The following GALNT17 variants were observed in gnomAD, a reference collection of about 807,000 sequenced individuals.
GALNT17 encodes the protein UDP-GalNAc:polypeptide N-acetylgalactosaminyltransferase-like 3.
GALNT17 carries 29 observed loss-of-function variants against 63.7 expected under a neutral mutation model. That is an observed-to-expected ratio of 0.46 (90% CI 0.34 to 0.62). The LOEUF (loss-of-function observed/expected upper bound fraction) is 0.62, where lower values mean the gene tolerates loss of function less well. Among genes scored for constraint, GALNT17 ranks in the 20% least tolerant of loss-of-function variants. The pLI, the probability that GALNT17 is intolerant of heterozygous loss-of-function variation, is 0.01. For synonymous variants in GALNT17, 305 were observed against 318.3 expected (o/e 0.96, Z 0.45); for missense variants, 603 against 799.6 (o/e 0.75, Z 2.97).
intron 2 of GALNT17, among the ~76,000 whole-genome samples, chr7:71,363,972 C>T (rs1370582745): frequency 6.6e-6 from 1 of 152,196 alleles, no homozygotes; most frequent in East Asian, 1.9e-4. Flanking sequence ...TGAGGTTTAA[C>T]TTAAAGTATG....
chr7:71,587,009 C>T (rs1170102264), intron 6 of GALNT17, among the ~76,000 whole-genome samples: 1 of 152,064 alleles, frequency 6.6e-6, no homozygotes, highest in Non-Finnish European at 1.5e-5. Flanking sequence ...TTCCTCCTTT[C>T]TCCTCTCTAC....
In GALNT17 at chr7:71,238,544, TTTATTATAA is replaced by T. The variant is rs1034192003; in HGVS notation, c.239-97005_239-96997del. Among the ~76,000 whole-genome samples the T allele has an allele frequency of 2.0e-5, 3 of 152,262 alleles. No individual in the cohort carries two copies. In the East Asian group the frequency reaches 5.8e-4, roughly 29 times the overall value. ...CACTGCACCTGGTCTGTGTTCAGTATTTATTATAAATGATGGGCTAAATATTGAAAGGTG... is the reference window on the plus strand; with the variant it reads ...CACTGCACCTGGTCTGTGTTCAGTATATGATGGGCTAAATATTGAAAGGTG... On this transcript the variant is annotated intron_variant, in intron 1 of 10. Coordinates refer to ENST00000333538, the MANE Select transcript of GALNT17 (RefSeq NM_022479.3).
At chr7:71,597,934 C>T (rs1001866576) in intron 6 of GALNT17, among the ~76,000 whole-genome samples, 8 of 151,790 alleles carry the variant, frequency 5.3e-5, no homozygotes, top group African/African-American at 1.2e-4. Flanking sequence ...TGTAATAACA[C>T]GGTACTTTCA....
chr7:71,633,425 C>T (rs1029237559), intron 6 of GALNT17, among the ~76,000 whole-genome samples: 5 of 152,152 alleles, frequency 3.3e-5, no homozygotes, highest in Admixed American at 1.3e-4. Flanking sequence ...GGATAGCTCT[C>T]CTGTCGGCTG....
rs1360277824 is a variant in GALNT17, at chr7:71,638,172, A to C, written c.1081-27239A>C. ...GGAGTGTCTTTTAGCATGCTAATGC[A>C]TTATAATTAGCATATAGTGAGCCTT... On this transcript the variant is annotated intron_variant, in intron 6 of 10. Transcript: ENST00000333538. Among the ~76,000 whole-genome samples the C allele has an allele frequency of 3.9e-5, 6 of 152,234 alleles. No homozygotes were observed. In the East Asian group the frequency reaches 1.2e-3, roughly 29 times the overall value.
At chr7:71,436,096 G>A (rs1355583897) in intron 5 of GALNT17, among the ~76,000 whole-genome samples, 1 of 151,476 alleles carries the variant, frequency 6.6e-6, no homozygotes, top group African/African-American at 2.4e-5. Context: ...AATAAAACTC[G>A]GGTCTCCCAG....
At chr7:71,342,842 G>A (rs1424570496) in intron 2 of GALNT17, among the ~76,000 whole-genome samples, 17 of 152,144 alleles carry the variant, frequency 1.1e-4, no homozygotes, top group Admixed American at 8.5e-4. Context: ...AGGAGACTGT[G>A]TATGTTTTAT....
chr7:71,467,058 C>T (rs1217452097), intron 5 of GALNT17, among the ~76,000 whole-genome samples: 2 of 152,076 alleles, frequency 1.3e-5, no homozygotes, highest in Admixed American at 6.5e-5. Context: ...TTTTGATTTA[C>T]GATTTTCTTC....
chr7:71,586,503 G>T (rs1178152687), intron 6 of GALNT17, among the ~76,000 whole-genome samples: 1 of 152,120 alleles, frequency 6.6e-6, no homozygotes, highest in Non-Finnish European at 1.5e-5. Context: ...ATGAACATTT[G>T]TTTAGATTTC....
intron 1 of GALNT17, among the ~76,000 whole-genome samples, chr7:71,264,789 G>C (rs1279881736): frequency 2.0e-5 from 3 of 151,954 alleles, no homozygotes; most frequent in Non-Finnish European, 4.4e-5. Flanking sequence ...GACCTCATGG[G>C]GCCAGAGAGT....
rs540215945 is a variant in GALNT17, at chr7:71,425,458, G to A, written c.962+4353G>A. On this transcript the variant is annotated intron_variant, in intron 5 of 10. Coordinates refer to ENST00000333538, the MANE Select transcript of GALNT17 (RefSeq NM_022479.3). ...AGGCTGGTCTTGAACTCCTGACCTC[G>A]TGATCCACCCGTCTCAGCCTCCCAA... Among the ~76,000 whole-genome samples, 7 of 152,138 alleles carry A rather than the reference G, an allele frequency of 4.6e-5. No homozygotes were observed. In the East Asian group the frequency reaches 9.7e-4, roughly 21 times the overall value.
chr7:71,291,997 A>G (rs1790987772), intron 1 of GALNT17, among the ~76,000 whole-genome samples: 1 of 152,190 alleles, frequency 6.6e-6, no homozygotes, highest in African/African-American at 2.4e-5. Flanking sequence ...TTAATAATAA[A>G]AATAATTAGG....
intron 5 of GALNT17, among the ~76,000 whole-genome samples, chr7:71,491,203 AC>A (rs1429671661): frequency 6.6e-6 from 1 of 152,122 alleles, no homozygotes; most frequent in Non-Finnish European, 1.5e-5. Flanking sequence ...TCAGAAAAAA[AC>A]AAAAAAAAGA....
intron 2 of GALNT17, among the ~76,000 whole-genome samples, chr7:71,351,081 C>T (rs1792181031): frequency 6.6e-6 from 1 of 152,142 alleles, no homozygotes; most frequent in Admixed American, 6.6e-5. Context: ...GCAGAGGGTG[C>T]AGTGAGCCAA....
Position 71,713,115 on chromosome 7 carries a change from G to A in GALNT17, c.*969G>A, listed in dbSNP as rs1447926708. 1 of 152,720 alleles carries A rather than the reference G, an allele frequency of 6.5e-6. No individual in the cohort carries two copies. Among genetic ancestry groups the A allele is most frequent in the African/African-American group, 2.4e-5 (1 of 41,550 alleles). The allele number at this position is 152,720 out of a possible 1,614,324, so 9.5% of individuals were successfully genotyped here. A position where few individuals can be genotyped will look rare whatever the true frequency, so the allele number is the denominator to read the frequency against. On this transcript the variant is annotated 3_prime_UTR_variant, in exon 11 of 11. Transcript: ENST00000333538. ...TTCCTCTCTGAAGAGTATTTTTTTCGATTGCCCTCTGGTTAGGGTGCACAT... is the reference window on the plus strand; with the variant it reads ...TTCCTCTCTGAAGAGTATTTTTTTCAATTGCCCTCTGGTTAGGGTGCACAT...
chr7:71,346,045 A>G (rs1199782551), intron 2 of GALNT17, among the ~76,000 whole-genome samples: 2 of 136,902 alleles, frequency 1.5e-5, no homozygotes, highest in Non-Finnish European at 3.2e-5. Context: ...AAAAAAAAAA[A>G]AGCTGGATAT....
intron 5 of GALNT17, among the ~76,000 whole-genome samples, chr7:71,493,836 T>C (rs748487210): frequency 4.6e-5 from 7 of 152,230 alleles, no homozygotes; most frequent in Non-Finnish European, 1.0e-4. Flanking sequence ...CTCTGAACAA[T>C]GCAAATATTT....
In GALNT17 at chr7:71,617,311, G is replaced by C. The variant is rs569648616; in HGVS notation, c.1080+45909G>C. Reference sequence around the variant, plus strand: ...TTTTTGGTTTTTTTTTTGCAGGGGCGGGGGGGGTTGGTTTTTTTGTTTTTT... The same window carrying C: ...TTTTTGGTTTTTTTTTTGCAGGGGCCGGGGGGGTTGGTTTTTTTGTTTTTT... On this transcript the variant is annotated intron_variant, in intron 6 of 10. Transcript: ENST00000333538. Among the ~76,000 whole-genome samples the C allele has an allele frequency of 1.3e-3, 120 of 88,962 alleles. 1 individual carries two copies. The highest frequency in any genetic ancestry group is 4.0e-3 in the Admixed American group (27 of 6,816). The allele number at this position is 88,962 out of a possible 152,430, so 58.4% of individuals were successfully genotyped here. A position where few individuals can be genotyped will look rare whatever the true frequency, so the allele number is the denominator to read the frequency against.
intron 8 of GALNT17, among the ~76,000 whole-genome samples, chr7:71,676,974 T>TG (rs1311777666): frequency 9.9e-5 from 15 of 152,008 alleles, no homozygotes; most frequent in African/African-American, 2.7e-4. Flanking sequence ...GCTGTGAGGG[T>TG]GGGGGGGCAA....
Sources: gnomAD v4.1 joint callset for allele counts (sites outside exome capture counted in the v4.1 genomes callset) on GRCh38, gnomAD v4.1.1 for gene constraint, MANE v1.5 for transcripts, NCBI Gene and HGNC (gene_info 2026-07-23, HGNC 2026-07-21) for gene names.